Variants in OGA observed in about 807,000 individuals in gnomAD.
The protein encoded by OGA is protein O-GlcNAcase.
A neutral mutation model predicts 102.0 loss-of-function variants in OGA; 21 were observed. The ratio of observed to expected loss-of-function variants is 0.21; its 90% CI spans 0.15 to 0.30. The LOEUF (loss-of-function observed/expected upper bound fraction) is 0.30, where lower values mean the gene tolerates loss of function less well. OGA is among the 10% of genes least tolerant of loss of function. The probability of loss-of-function intolerance (pLI) is 1.00; values close to 1 mark genes in which losing one functional copy is unlikely to be tolerated. For missense variants in OGA, 765 were observed against 1,107.8 expected (o/e 0.69, Z 4.39); for synonymous variants, 408 against 378.2 (o/e 1.08, Z -0.91).
At position 101,785,400 on chromosome 10, in the gene OGA, C is replaced by T. The variant is rs1311405239; in HGVS notation, c.*1051G>A. 1 of 152,610 alleles carries T rather than the reference C, an allele frequency of 6.6e-6. No homozygotes were observed. Among genetic ancestry groups the T allele is most frequent in the African/African-American group, 2.4e-5 (1 of 41,460 alleles). The allele number at this position is 152,610 out of a possible 1,614,324, so 9.5% of individuals were successfully genotyped here. A position where few individuals can be genotyped will look rare whatever the true frequency, so the allele number is the denominator to read the frequency against. ...AGTAGTAACAGGTCTTGAGATTAAA[C>T]AACTGACCTGAGGGCAAATGGGACC... On this transcript the variant is annotated 3_prime_UTR_variant, in exon 16 of 16. Coordinates refer to ENST00000361464, the MANE Select transcript of OGA (RefSeq NM_012215.5).
chr10:101,798,525 T>C (rs1002572891), intron 9 of OGA, among the ~76,000 whole-genome samples: 7 of 151,592 alleles, frequency 4.6e-5, no homozygotes, highest in African/African-American at 9.7e-5. Context: ...GCGATTCTCC[T>C]GCCTCAGCCT....
At chr10:101,786,842 A>G (rs2065195429) in intron 15 of OGA, among the ~76,000 whole-genome samples, 1 of 152,154 alleles carries the variant, frequency 6.6e-6, no homozygotes, top group South Asian at 2.1e-4. Context: ...ATCACGGCTC[A>G]CTGCAACCTC....
intron 14 of OGA, among the ~76,000 whole-genome samples, chr10:101,788,531 T>TTGAG (rs549081404): frequency 1.4e-3 from 214 of 151,718 alleles, no homozygotes; most frequent in Non-Finnish European, 2.6e-3. Context: ...GGTCAGGAGT[T>TTGAG]TGAGACCAGC....
At chr10:101,816,298 T>C (rs2065624260) in intron 1 of OGA, among the ~76,000 whole-genome samples, 1 of 152,080 alleles carries the variant, frequency 6.6e-6, no homozygotes, top group Non-Finnish European at 1.5e-5. Context: ...AAAAAATCAG[T>C]GCTGGCTCAG....
intron 10 of OGA, chr10:101,795,801 G>A (rs934546718): frequency 4.5e-6 from 3 of 667,956 alleles, no homozygotes; most frequent in South Asian, 6.7e-5. Context: ...GATAGTTGAT[G>A]AGCTTAAAAA....
rs141405385 is a variant in OGA at position 101,787,306 on chromosome 10, T to C, written c.2614+58A>G. On this transcript the variant is annotated intron_variant, in intron 15 of 15. Transcript: ENST00000361464. ...ACTTCTTTCCTTTTATATCCAAAAA[T>C]ATATAGTTCTTTCCCTATCTTGCCC... 7,389 of 1,458,984 alleles carry C rather than the reference T, an allele frequency of 5.1e-3. 19 individuals are homozygous for C. The highest frequency in any genetic ancestry group is 6.2e-3 in the Non-Finnish European group (6,721 of 1,082,918). The allele number at this position is 1,458,984 out of a possible 1,614,324, so 90.4% of individuals were successfully genotyped here.
intron 1 of OGA, among the ~76,000 whole-genome samples, chr10:101,816,013 T>C (rs936112423): frequency 1.5e-5 from 2 of 132,336 alleles, no homozygotes; most frequent in African/African-American, 5.8e-5. Context: ...AGTTCACGCC[T>C]GTAATCTTAG....
rs772105395 is a variant in OGA at position 101,799,051 on chromosome 10, T to C, written c.1600A>G (p.Asn534Asp). 8.1e-6 allele frequency: 13 copies of C among 1,614,084 alleles called. No homozygotes were observed. The highest frequency in any genetic ancestry group is 2.2e-5 in the East Asian group (1 of 44,904). ...GGACCTGGCACAAACTGCTCCTTGT[T>C]TGTCTGTTCATCAGTTTGCATGGGG... ...IAPMQTDEQT[N>D]KEQFVPGPNE... is the part of the protein sequence containing the mutation. The change falls in exon 9 of 16, where the codon AAC (asparagine) becomes GAC (aspartate). Residue 534 changes from asparagine (N) to aspartate (D), a missense_variant. This residue lies in a region of OGA where 281 missense variants were observed against 345.8 expected (regional missense o/e 0.81). Transcript: ENST00000361464.
chr10:101,806,102 G>T lies in OGA; in HGVS notation c.694C>A (p.Pro232Thr). ...TTTTCACCCACAGTCCTTAAATATGGAGACTGAGACACATTTGGATAACAG... is the reference window on the plus strand; with the variant it reads ...TTTTCACCCACAGTCCTTAAATATGTAGACTGAGACACATTTGGATAACAG... The part of the protein sequence containing the change: ...TFCYPNVSQS[P>T]YLRTVGEKLL... Residue 232 changes from proline to threonine, a missense_variant, in exon 6 of 16, where the codon CCA becomes ACA. Coordinates refer to ENST00000361464, the MANE Select transcript of OGA (RefSeq NM_012215.5). The T allele has an allele frequency of 6.2e-7, 1 of 1,612,024 alleles. No homozygotes were observed. The highest frequency in any genetic ancestry group is 1.1e-5 in the South Asian group (1 of 91,056).
At chr10:101,807,125 G>A (rs1176638911) in intron 5 of OGA, among the ~76,000 whole-genome samples, 2 of 151,938 alleles carry the variant, frequency 1.3e-5, no homozygotes, top group African/African-American at 4.8e-5. Context: ...TAAGGTTCTC[G>A]GCTCACAATA....
At chr10:101,815,841 G>A (rs1406407175) in intron 1 of OGA, among the ~76,000 whole-genome samples, 1 of 151,778 alleles carries the variant, frequency 6.6e-6, no homozygotes, top group African/African-American at 2.4e-5. Flanking sequence ...GTTAATGTAA[G>A]TTAAAAACCA....
intron 8 of OGA, among the ~76,000 whole-genome samples, 195 bp from the exon 9 acceptor site, chr10:101,799,650 G>A (rs916314558): frequency 3.9e-5 from 6 of 152,096 alleles, no homozygotes; most frequent in Non-Finnish European, 8.8e-5. Context: ...GAAGGGCGTT[G>A]GGAGGTAAAC....
intron 8 of OGA, 97 bp from the exon 9 acceptor site, chr10:101,799,552 T>A: frequency 1.5e-6 from 2 of 1,290,628 alleles, no homozygotes; most frequent in Non-Finnish European, 2.1e-6. Context: ...TTATCATATT[T>A]GTTAAGTGGA....
chr10:101,812,203 C>T (rs1377437124), intron 3 of OGA, among the ~76,000 whole-genome samples: 1 of 152,204 alleles, frequency 6.6e-6, no homozygotes, highest in African/African-American at 2.4e-5. Context: ...CAATGCTATA[C>T]TACTTTTTAT....
intron 10 of OGA, chr10:101,795,751 C>A (rs963426264): frequency 3.4e-5 from 10 of 291,136 alleles, no homozygotes; most frequent in Non-Finnish European, 4.6e-5. Context: ...CTGGGCCACA[C>A]TGGAAGAACT....
intron 7 of OGA, among the ~76,000 whole-genome samples, chr10:101,802,053 G>GA (rs1304705726): frequency 6.6e-6 from 1 of 152,164 alleles, no homozygotes; most frequent in Non-Finnish European, 1.5e-5. Flanking sequence ...GCTGAGGCCA[G>GA]AGACTCGCTT....
At chr10:101,805,204 G>T (rs1476527684) in intron 6 of OGA, among the ~76,000 whole-genome samples, 2 of 151,970 alleles carry the variant, frequency 1.3e-5, no homozygotes, top group African/African-American at 4.8e-5. Context: ...ACCTGGCTAA[G>T]TTTTTTATTT....
chr10:101,788,991 T>C (rs2065224642), intron 14 of OGA, among the ~76,000 whole-genome samples: 1 of 152,246 alleles, frequency 6.6e-6, no homozygotes, highest in Non-Finnish European at 1.5e-5. Flanking sequence ...ATTCCTTACA[T>C]GAAAATGTGC....
In OGA at chr10:101,786,303, G is replaced by T; in HGVS notation, c.*148C>A. 1 of 735,034 alleles carries T rather than the reference G, an allele frequency of 1.4e-6. No individual in the cohort carries two copies. Among genetic ancestry groups the T allele is most frequent in the Non-Finnish European group, 2.0e-6 (1 of 495,706 alleles). The allele number at this position is 735,034 out of a possible 1,614,324, so 45.5% of individuals were successfully genotyped here. On this transcript the variant is annotated 3_prime_UTR_variant, in exon 16 of 16. Transcript: ENST00000361464. ...CAACCAGTGAGTAGTCTCAAAGTGT[G>T]ATGGGTGAGTTTTACATAGTCTTCT...
Sources: gnomAD v4.1 joint callset for allele counts (sites outside exome capture counted in the v4.1 genomes callset) on GRCh38, gnomAD v4.1.1 for gene constraint, gnomAD v4.1.1 regional missense constraint, MANE v1.5 for transcripts, NCBI Gene and HGNC (gene_info 2026-07-23, HGNC 2026-07-21) for gene names.